MCF2: variants seen among roughly 807,000 people sequenced by gnomAD.
MCF2 encodes the protein proto-oncogene DBL.
MCF2 carries 44 observed loss-of-function variants against 82.5 expected under a neutral mutation model. That is an observed-to-expected ratio of 0.53 (90% CI 0.42 to 0.69). MCF2 has a LOEUF of 0.69. Among genes scored for constraint, MCF2 ranks in the 30% least tolerant of loss-of-function variants. MCF2 has a pLI of 0.00. For synonymous variants in MCF2, 217 were observed against 224.9 expected (o/e 0.96, Z 0.32); for missense variants, 623 against 663.1 (o/e 0.94, Z 0.66).
At position 139,659,091 on chromosome X, in the gene MCF2, T is replaced by C. The variant is rs749512997; in HGVS notation, c.-44-7303A>G. ...GATCACGAGGTCAAGAGATGGAGAC[T>C]ATCCTGGCCAACATGGTGAAACCCT... On this transcript the variant is annotated intron_variant, in intron 1 of 27. Transcript: ENST00000414978. Among the ~76,000 whole-genome samples the C allele has an allele frequency of 1.7e-4, 19 of 110,963 alleles. No individual in the cohort carries two copies. In the South Asian group the frequency reaches 2.3e-3, roughly 13 times the overall value.
At chrX:139,665,634 G>A (rs1934487592) in intron 1 of MCF2, among the ~76,000 whole-genome samples, 1 of 109,764 alleles carries the variant, frequency 9.1e-6, no homozygotes, top group Non-Finnish European at 1.9e-5. Context: ...TTTCAACCTG[G>A]TATTATGAAT....
At chrX:139,692,684 G>C (rs904060272) in intron 1 of MCF2, among the ~76,000 whole-genome samples, 2 of 112,149 alleles carry the variant, frequency 1.8e-5, no homozygotes, top group African/African-American at 6.5e-5. Context: ...TTAGCATTCT[G>C]GCCAGTATCC....
intron 1 of MCF2, among the ~76,000 whole-genome samples, chrX:139,667,641 A>C (rs912765251): frequency 8.9e-6 from 1 of 111,879 alleles, no homozygotes; most frequent in Non-Finnish European, 1.9e-5. Flanking sequence ...GCTCATGCTC[A>C]GGTCTCCAAT....
intron 22 of MCF2, 132 bp from the exon 27 acceptor site, chrX:139,586,619 T>C: frequency 2.3e-6 from 1 of 437,589 alleles, no homozygotes. Flanking sequence ...CAGCCAATAC[T>C]CCCTATTTAA....
chrX:139,679,782 T>C (rs749255623), intron 1 of MCF2, among the ~76,000 whole-genome samples: 8 of 110,978 alleles, frequency 7.2e-5, no homozygotes, highest in Admixed American at 1.9e-4. Context: ...GCACATAATA[T>C]TGAGTCAGGA....
chrX:139,658,667 G>GTTTTTTTTTTTT (rs1182070757), intron 1 of MCF2, among the ~76,000 whole-genome samples: 5 of 56,613 alleles, frequency 8.8e-5, no homozygotes, highest in African/African-American at 3.9e-4. Context: ...AAAAAGATGT[G>GTTTTTTTTTTTT]TTTTTTTTTT....
At chrX:139,635,111 T>C (rs1933127113) in intron 1 of MCF2, among the ~76,000 whole-genome samples, 1 of 110,682 alleles carries the variant, frequency 9.0e-6, no homozygotes, top group Non-Finnish European at 1.9e-5. Context: ...GTATGAACAT[T>C]TGATGTAAGC....
At chrX:139,650,030 C>G (rs186411245) in intron 2 of MCF2, among the ~76,000 whole-genome samples, 51 of 112,107 alleles carry the variant, frequency 4.5e-4, no homozygotes, top group African/African-American at 1.3e-3. Flanking sequence ...TTTAATTAAG[C>G]TTTATCATAG....
rs73573958 is a variant in MCF2, at chrX:139,595,909, A to G, written c.2277+640T>C. ...GTTGTCAATAACTTCCCCAAACAAT[A>G]CTGTTCTCTTTTTAATAACAAACTA... On this transcript the variant is annotated intron_variant, in intron 19 of 24. Transcript: ENST00000370576. Among the ~76,000 whole-genome samples, 1,070 of 110,838 alleles carry G rather than the reference A, an allele frequency of 9.7e-3. 11 individuals carry two copies. The highest frequency in any genetic ancestry group is 0.034 in the African/African-American group (1,025 of 30,534).
chrX:139,624,580 A>C (rs1932648648), intron 6 of MCF2, among the ~76,000 whole-genome samples: 2 of 110,742 alleles, frequency 1.8e-5, no homozygotes, highest in African/African-American at 6.6e-5. Flanking sequence ...GAGTCATAAA[A>C]GACAAAGAAA....
exon 2 of MCF2, chrX:139,632,428 C>A: frequency 8.3e-7 from 1 of 1,202,274 alleles, no homozygotes. Flanking sequence ...AAACCAAAAC[C>A]AAGTGCAAGT....
At chrX:139,616,204 T>A in intron 9 of MCF2, 78 bp downstream of exon 12, 1 of 537,958 alleles carries the variant, frequency 1.9e-6, no homozygotes, top group African/African-American at 2.4e-5. Flanking sequence ...AGCTGTGAGG[T>A]AGTAAAACTC....
exon 14 of MCF2, chrX:139,604,951 A>G (rs1336663086): frequency 8.4e-7 from 1 of 1,190,205 alleles, no homozygotes; most frequent in African/African-American, 1.8e-5. Context: ...ATAAGATCAA[A>G]CATCTCTGGA....
intron 1 of MCF2, among the ~76,000 whole-genome samples, chrX:139,656,046 T>TTTTG (rs1556061439): frequency 3.6e-5 from 4 of 112,096 alleles, no homozygotes; most frequent in South Asian, 3.7e-4. Flanking sequence ...TGCTGTTTTT[T>TTTTG]TTTGTTTGTT....
At chrX:139,659,260 C>T (rs1340867538) in intron 1 of MCF2, among the ~76,000 whole-genome samples, 1 of 109,170 alleles carries the variant, frequency 9.2e-6, no homozygotes, top group Non-Finnish European at 1.9e-5. Flanking sequence ...GCACTCCAGC[C>T]TGGTGACAGA....
At chrX:139,630,569 C>T (rs1932891466) in intron 3 of MCF2, among the ~76,000 whole-genome samples, 1 of 112,165 alleles carries the variant, frequency 8.9e-6, no homozygotes, top group South Asian at 3.7e-4. Flanking sequence ...CTAGGCATTG[C>T]TAATTTTGGC....
chrX:139,694,720 A>G (rs1456548021), intron 1 of MCF2, among the ~76,000 whole-genome samples: 2 of 111,522 alleles, frequency 1.8e-5, no homozygotes, highest in African/African-American at 6.5e-5. Context: ...AGCATTATTA[A>G]TTATAGCCCC....
chrX:139,586,292 C>T, intron 23 of MCF2, 86 bp downstream of exon 27: 1 of 674,044 alleles, frequency 1.5e-6, no homozygotes, highest in Non-Finnish European at 2.4e-6. Flanking sequence ...TACAAAAATA[C>T]CAAGTGGGTA....
intron 24 of MCF2, among the ~76,000 whole-genome samples, chrX:139,583,535 T>C (rs931067993): frequency 9.0e-6 from 1 of 110,595 alleles, no homozygotes; most frequent in African/African-American, 3.3e-5. Context: ...CACTTATAAG[T>C]GGGGGCTAAG....
Sources: allele counts gnomAD v4.1 joint callset (sites outside exome capture counted in the v4.1 genomes callset), GRCh38; gene constraint gnomAD v4.1.1; transcripts MANE v1.5; gene names NCBI Gene and HGNC (gene_info 2026-07-23, HGNC 2026-07-21).